NEK10: variants seen among roughly 807,000 people sequenced by gnomAD.
The protein encoded by NEK10 is NIMA related kinase 10, also known as serine/threonine-protein kinase Nek10.
A neutral mutation model predicts 159.8 loss-of-function variants in NEK10; 122 were observed. The observed-to-expected ratio is 0.76, with a 90% CI of 0.66 to 0.89. The LOEUF (loss-of-function observed/expected upper bound fraction) is 0.89, where lower values mean the gene tolerates loss of function less well. Ranked by LOEUF, NEK10 falls within the 40% of genes least tolerant of loss-of-function variation. The pLI is 0.00. For missense variants in NEK10, 1,342 were observed against 1,323.1 expected, an observed-to-expected ratio of 1.01 and a Z score of -0.22; for synonymous variants, 466 against 457.1, an observed-to-expected ratio of 1.02 and a Z score of -0.25.
intron 23 of NEK10, among the ~76,000 whole-genome samples, chr3:27,211,484 C>T (rs937302563): frequency 6.6e-6 from 1 of 152,008 alleles, no homozygotes; most frequent in Non-Finnish European, 1.5e-5. Context: ...TCAGATAGAC[C>T]AAGAACCTTT....
chr3:27,228,628 A>C (rs1952889600), intron 23 of NEK10, among the ~76,000 whole-genome samples: 1 of 152,112 alleles, frequency 6.6e-6, no homozygotes, highest in South Asian at 2.1e-4. Flanking sequence ...CAGATGAGAA[A>C]ATGGAGGGCA....
chr3:27,338,941 T>A (rs150812941), intron 5 of NEK10, among the ~76,000 whole-genome samples: 1 of 152,038 alleles, frequency 6.6e-6, no homozygotes, highest in Non-Finnish European at 1.5e-5. Context: ...AATAGACAAA[T>A]AGAACTATAA....
intron 3 of NEK10, among the ~76,000 whole-genome samples, chr3:27,351,060 G>C (rs1321645896): frequency 6.6e-6 from 1 of 152,112 alleles, no homozygotes; most frequent in Non-Finnish European, 1.5e-5. Context: ...CCAAAGCGCA[G>C]GAGAAAATAA....
chr3:27,268,744 G>T (rs549100459), intron 22 of NEK10, among the ~76,000 whole-genome samples: 59 of 152,274 alleles, frequency 3.9e-4, no homozygotes, highest in African/African-American at 1.3e-3. Context: ...TATCCATTCT[G>T]TAGTCCATAG....
intron 23 of NEK10, among the ~76,000 whole-genome samples, chr3:27,246,163 C>G (rs761724661): frequency 1.3e-5 from 2 of 152,116 alleles, no homozygotes; most frequent in African/African-American, 2.4e-5. Flanking sequence ...GAGTTCAGAA[C>G]AAATCAGACT....
chr3:27,250,249 C>T (rs150657700), intron 23 of NEK10, among the ~76,000 whole-genome samples: 1 of 151,360 alleles, frequency 6.6e-6, no homozygotes, highest in South Asian at 2.1e-4. Flanking sequence ...TGCAGTAGCA[C>T]GATCTCCACT....
At chr3:27,366,806 CA>C (rs1181690763) in intron 1 of NEK10, among the ~76,000 whole-genome samples, 12 of 113,594 alleles carry the variant, frequency 1.1e-4, no homozygotes, top group Non-Finnish European at 1.7e-4. Context: ...TCAGTGTGTT[CA>C]TTTTTTTTTT....
chr3:27,140,813 G>C (rs1943717651), intron 31 of NEK10, among the ~76,000 whole-genome samples: 1 of 152,094 alleles, frequency 6.6e-6, no homozygotes, highest in African/African-American at 2.4e-5. Context: ...TCAAGTGAGT[G>C]AATGAATGAA....
chr3:27,249,515 A>AT (rs1042922303), intron 23 of NEK10, among the ~76,000 whole-genome samples: 3 of 151,864 alleles, frequency 2.0e-5, no homozygotes, highest in Admixed American at 6.6e-5. Context: ...CTTGAAATAT[A>AT]TTTTTTCTGA....
chr3:27,218,782 A>G (rs1201439548), intron 23 of NEK10, among the ~76,000 whole-genome samples: 2 of 151,878 alleles, frequency 1.3e-5, no homozygotes, highest in Admixed American at 1.3e-4. Flanking sequence ...TGCAGACAAG[A>G]GCATTTGACG....
chr3:27,302,981 A>T (rs991112976), intron 12 of NEK10, among the ~76,000 whole-genome samples: 3 of 152,160 alleles, frequency 2.0e-5, no homozygotes, highest in African/African-American at 7.2e-5. Flanking sequence ...ACTGCCCTGA[A>T]AACAGTGTTC....
At chr3:27,267,971 C>T (rs1284416545) in intron 22 of NEK10, among the ~76,000 whole-genome samples, 1 of 152,128 alleles carries the variant, frequency 6.6e-6, no homozygotes, top group African/African-American at 2.4e-5. Context: ...TCTGAACACA[C>T]AAATGATAAG....
At chr3:27,119,924 G>C (rs1446699459) in intron 32 of NEK10, 56 bp from the exon 33 acceptor site, 11 of 1,317,678 alleles carry the variant, frequency 8.3e-6, no homozygotes, top group Non-Finnish European at 1.2e-5. Flanking sequence ...GAAATGGCAG[G>C]AGACCTCTGT....
chr3:27,268,073 T>C (rs1005608941), intron 22 of NEK10, among the ~76,000 whole-genome samples: 3 of 152,190 alleles, frequency 2.0e-5, no homozygotes, highest in Admixed American at 2.0e-4. Flanking sequence ...CAATGCCCAA[T>C]CTGGAGCAAG....
chr3:27,184,340 A>G (rs2148935187), intron 26 of NEK10, among the ~76,000 whole-genome samples: 1 of 152,336 alleles, frequency 6.6e-6, no homozygotes, highest in Middle Eastern at 3.4e-3. Context: ...CATGTGTTTG[A>G]TTTAAATGAA....
intron 22 of NEK10, among the ~76,000 whole-genome samples, chr3:27,273,519 T>C (rs557936050): frequency 6.6e-6 from 1 of 152,314 alleles, no homozygotes; most frequent in South Asian, 2.1e-4. Flanking sequence ...AAAATGCATA[T>C]CTATCCTTTT....
intron 9 of NEK10, 46 bp from the exon 10 acceptor site, chr3:27,309,051 G>T: frequency 1.0e-6 from 1 of 972,422 alleles, no homozygotes; most frequent in Non-Finnish European, 1.6e-6. Context: ...AGTACTACAA[G>T]CTTCTTTTTT....
At chr3:27,184,689 T>G (rs1298045154) in intron 26 of NEK10, among the ~76,000 whole-genome samples, 1 of 152,244 alleles carries the variant, frequency 6.6e-6, no homozygotes, top group Non-Finnish European at 1.5e-5. Flanking sequence ...AGTCATGGTT[T>G]TTCCTGATAT....
chr3:27,239,420 T>C (rs1954305754), intron 23 of NEK10, among the ~76,000 whole-genome samples: 1 of 152,042 alleles, frequency 6.6e-6, no homozygotes, highest in African/African-American at 2.4e-5. Flanking sequence ...AGGGTAATTG[T>C]GGGTAGGAGA....
Sources: gnomAD v4.1 joint callset for allele counts (sites outside exome capture counted in the v4.1 genomes callset) on GRCh38, gnomAD v4.1.1 for gene constraint, MANE v1.5 for transcripts, NCBI Gene and HGNC (gene_info 2026-07-23, HGNC 2026-07-21) for gene names.